LGR5: variants seen among roughly 807,000 people sequenced by gnomAD.
The protein encoded by LGR5 is leucine-rich repeat-containing G protein-coupled receptor 5.
In LGR5, 54 loss-of-function variants were observed where a neutral mutation model predicts 76.7. That is an observed-to-expected ratio of 0.70 (90% CI 0.57 to 0.88). The LOEUF (loss-of-function observed/expected upper bound fraction) is 0.88, where lower values mean the gene tolerates loss of function less well. LGR5 is among the 40% of genes least tolerant of loss of function. The probability of loss-of-function intolerance (pLI) is 0.00; values close to 1 mark genes in which losing one functional copy is unlikely to be tolerated. For synonymous variants in LGR5, 406 were observed against 421.9 expected, an observed-to-expected ratio of 0.96 and a Z score of 0.46; for missense variants, 1,078 against 1,073.3, an observed-to-expected ratio of 1.00 and a Z score of -0.06.
chr12:71,445,501 G>A (rs1482475479), intron 1 of LGR5, among the ~76,000 whole-genome samples: 1 of 152,144 alleles, frequency 6.6e-6, no homozygotes, highest in Non-Finnish European at 1.5e-5. Flanking sequence ...CCAACTACAT[G>A]CCCAATTTCA....
chr12:71,566,723 A>T (rs1878364983), intron 10 of LGR5, 23 bp downstream of exon 10: 2 of 1,603,314 alleles, frequency 1.2e-6, no homozygotes, highest in Admixed American at 3.3e-5. Flanking sequence ...TAGACTCTTG[A>T]CTTTGCCCAG....
chr12:71,450,790 A>G lies in LGR5; in HGVS notation c.212+10498A>G, dbSNP rs1366118999. On this transcript the variant is annotated intron_variant, in intron 1 of 17. Transcript: ENST00000266674. Reference sequence around the variant, plus strand: ...TGGATGACTGTAGCAGTTTCCTGTCATGGTCTACGTAGACCTCGAACACAT... The same window carrying G: ...TGGATGACTGTAGCAGTTTCCTGTCGTGGTCTACGTAGACCTCGAACACAT... 2.6e-5 allele frequency among the ~76,000 whole-genome samples: 4 copies of G among 152,112 alleles called. No homozygotes were observed. In the East Asian group the frequency reaches 7.7e-4, roughly 29 times the overall value.
At chr12:71,464,684 C>T (rs1484264425) in intron 1 of LGR5, among the ~76,000 whole-genome samples, 7 of 152,032 alleles carry the variant, frequency 4.6e-5, no homozygotes, top group Non-Finnish European at 5.9e-5. Context: ...GAGTTTCAAC[C>T]GGCTACAGGA....
At chr12:71,525,613 A>T (rs1353477236) in intron 3 of LGR5, among the ~76,000 whole-genome samples, 1 of 151,756 alleles carries the variant, frequency 6.6e-6, no homozygotes, top group Non-Finnish European at 1.5e-5. Context: ...TTTTTTTCCC[A>T]TGTTGAGCTA....
intron 4 of LGR5, among the ~76,000 whole-genome samples, chr12:71,542,617 C>G (rs2137384280): frequency 6.6e-6 from 1 of 152,166 alleles, no homozygotes; most frequent in Admixed American, 6.5e-5. Context: ...GATGAAATTA[C>G]CAGTGTTTGG....
At chr12:71,497,013 A>T (rs1403722235) in intron 1 of LGR5, among the ~76,000 whole-genome samples, 1 of 152,026 alleles carries the variant, frequency 6.6e-6, no homozygotes, top group Non-Finnish European at 1.5e-5. Flanking sequence ...AGGTGTGTTC[A>T]TATTGTGAAA....
rs77608459 is a variant in LGR5 at position 71,541,607 on chromosome 12, A to G, written c.428+6421A>G. Among the ~76,000 whole-genome samples the G allele has an allele frequency of 1.9e-3, 283 of 152,354 alleles. 6 individuals are homozygous for G. The East Asian group carries it at 0.032, about 17-fold the overall frequency. ...TGAATATTGCAAAGACAAAATCAGA[A>G]TGTGGAATTGAATGCACTTCCATGG... On this transcript the variant is annotated intron_variant, in intron 4 of 17. Transcript: ENST00000266674.
chr12:71,486,042 G>A (rs1184276949), intron 1 of LGR5, among the ~76,000 whole-genome samples: 1 of 152,146 alleles, frequency 6.6e-6, no homozygotes. Context: ...GGGATTACAG[G>A]CGTGAGCCAG....
At chr12:71,549,294 G>A (rs983216377) in intron 4 of LGR5, among the ~76,000 whole-genome samples, 7 of 125,710 alleles carry the variant, frequency 5.6e-5, no homozygotes, top group Non-Finnish European at 1.2e-4. Flanking sequence ...GGCTGGGAGT[G>A]GGAGTGGTTG....
At chr12:71,570,302 C>A (rs982375251) in intron 11 of LGR5, among the ~76,000 whole-genome samples, 4 of 152,026 alleles carry the variant, frequency 2.6e-5, no homozygotes, top group East Asian at 3.9e-4. Flanking sequence ...CACATGTACC[C>A]CAGAATTTTA....
chr12:71,527,802 T>C (rs114553502), intron 3 of LGR5, among the ~76,000 whole-genome samples: 211 of 152,304 alleles, frequency 1.4e-3, no homozygotes, highest in African/African-American at 5.0e-3. Flanking sequence ...TAGAATAATT[T>C]TTCTCAGCAA....
Position 71,483,105 on chromosome 12 carries a change from C to T in LGR5, c.213-21509C>T, listed in dbSNP as rs1039697028. 2.8e-4 allele frequency among the ~76,000 whole-genome samples: 43 copies of T among 152,022 alleles called. 1 individual carries two copies. Among genetic ancestry groups the T allele is most frequent in the Admixed American group, 2.1e-3 (32 of 15,250 alleles). The stretch of plus-strand genomic sequence containing the variant: ...GTTATAAGAAAAAAAAAGGAACCAC[C>T]ATATAAAATATTAGCACCTTTATCC... On this transcript the variant is annotated intron_variant, in intron 1 of 17. Coordinates refer to ENST00000266674, the MANE Select transcript of LGR5 (RefSeq NM_003667.4).
chr12:71,490,657 C>A (rs1455628014), intron 1 of LGR5, among the ~76,000 whole-genome samples: 1 of 152,094 alleles, frequency 6.6e-6, no homozygotes, highest in African/African-American at 2.4e-5. Context: ...TATTTTCAGA[C>A]AACTTGAATA....
At chr12:71,496,772 C>T (rs1469470067) in intron 1 of LGR5, among the ~76,000 whole-genome samples, 3 of 152,240 alleles carry the variant, frequency 2.0e-5, no homozygotes, top group Non-Finnish European at 1.5e-5. Context: ...CAAACTATTG[C>T]TATGCACAAC....
At chr12:71,449,978 A>G (rs1211377293) in intron 1 of LGR5, among the ~76,000 whole-genome samples, 6 of 152,250 alleles carry the variant, frequency 3.9e-5, no homozygotes, top group African/African-American at 1.4e-4. Context: ...TGGGTTACAA[A>G]GGATTTCAGT....
intron 1 of LGR5, among the ~76,000 whole-genome samples, chr12:71,450,162 C>G (rs1872188980): frequency 6.6e-6 from 1 of 152,178 alleles, no homozygotes. Flanking sequence ...CTCCTGAAAA[C>G]CCCAGCCCAG....
intron 2 of LGR5, among the ~76,000 whole-genome samples, chr12:71,506,887 G>A (rs1874884229): frequency 6.6e-6 from 1 of 152,090 alleles, no homozygotes; most frequent in Non-Finnish European, 1.5e-5. Flanking sequence ...TAGGGGTTTG[G>A]GGAGGTTCTA....
rs139959676 is a variant in LGR5 at position 71,470,944 on chromosome 12, G to C, written c.212+30652G>C. Among the ~76,000 whole-genome samples, 269 of 152,230 alleles carry C rather than the reference G, an allele frequency of 1.8e-3. 4 individuals carry two copies. The East Asian group carries it at 0.037, about 21-fold the overall frequency. On this transcript the variant is annotated intron_variant, in intron 1 of 17. Transcript: ENST00000266674. ...TCTGAAGTATGCTCCCCTCCAATGAGCTCCCGCAGCATCTTGGTTACATCT... is the reference window on the plus strand; with the variant it reads ...TCTGAAGTATGCTCCCCTCCAATGACCTCCCGCAGCATCTTGGTTACATCT...
At chr12:71,448,324 A>G (rs1872107660) in intron 1 of LGR5, 1 of 152,226 alleles carries the variant, frequency 6.6e-6, no homozygotes, top group East Asian at 1.9e-4. Context: ...ACAAAAGTGT[A>G]CTTCTCAGGA....
Sources: gnomAD v4.1 joint callset for allele counts (sites outside exome capture counted in the v4.1 genomes callset) on GRCh38, gnomAD v4.1.1 for gene constraint, MANE v1.5 for transcripts, NCBI Gene and HGNC (gene_info 2026-07-23, HGNC 2026-07-21) for gene names.